TMTC2: variants seen among roughly 807,000 people sequenced by gnomAD.
TMTC2 encodes transmembrane O-mannosyltransferase targeting cadherins 2.
In TMTC2, 43 loss-of-function variants were observed where a neutral mutation model predicts 82.4. The ratio of observed to expected loss-of-function variants is 0.52; its 90% CI spans 0.41 to 0.67. TMTC2 has a LOEUF of 0.67. Among genes scored for constraint, TMTC2 ranks in the 30% least tolerant of loss-of-function variants. The probability of loss-of-function intolerance (pLI) is 0.00; values close to 1 mark genes in which losing one functional copy is unlikely to be tolerated. For synonymous variants in TMTC2, 408 were observed against 381.9 expected, an observed-to-expected ratio of 1.07 and a Z score of -0.80; for missense variants, 919 against 1,012.4, an observed-to-expected ratio of 0.91 and a Z score of 1.25.
At chr12:82,859,799 T>C (rs1871443440) in intron 2 of TMTC2, among the ~76,000 whole-genome samples, 2 of 152,082 alleles carry the variant, frequency 1.3e-5, no homozygotes, top group African/African-American at 4.8e-5. Flanking sequence ...CCAGACTCTC[T>C]TGGCGACCAC....
Position 83,118,153 on chromosome 12 carries a change from C to T in TMTC2, c.2332-14057C>T, listed in dbSNP as rs371101128. Among the ~76,000 whole-genome samples the T allele has an allele frequency of 5.3e-5, 8 of 152,094 alleles. No homozygotes were observed. The East Asian group carries it at 1.5e-3, about 29-fold the overall frequency. ...ACTTCCTCTTTACCGATTTGGATGC[C>T]CTTTTATTTCCTTCTCTTGTCTGAT... On this transcript the variant is annotated intron_variant, in intron 11 of 11. Transcript: ENST00000321196.
At chr12:82,826,746 A>G (rs943101364) in intron 1 of TMTC2, among the ~76,000 whole-genome samples, 2 of 152,116 alleles carry the variant, frequency 1.3e-5, no homozygotes, top group African/African-American at 4.8e-5. Context: ...TCTGTGTGAC[A>G]TGAGTATGTA....
At chr12:82,709,649 T>C (rs1873532035) in intron 1 of TMTC2, among the ~76,000 whole-genome samples, 2 of 152,090 alleles carry the variant, frequency 1.3e-5, no homozygotes, top group Non-Finnish European at 2.9e-5. Flanking sequence ...AGTGGAGACA[T>C]TTTGACCTGG....
At chr12:82,694,577 G>A (rs1872710525) in intron 1 of TMTC2, among the ~76,000 whole-genome samples, 4 of 152,182 alleles carry the variant, frequency 2.6e-5, no homozygotes, top group Admixed American at 2.6e-4. Context: ...ATGGTATGAA[G>A]TGTGGCACAG....
chr12:82,892,110 C>G lies in TMTC2; in HGVS notation c.655-3708C>G, dbSNP rs117431077. ...GAGTGAGTCATTTATTTCGTCCTTACAGAACTCACCATTAAGTTAGAATAA... is the reference window on the plus strand; with the variant it reads ...GAGTGAGTCATTTATTTCGTCCTTAGAGAACTCACCATTAAGTTAGAATAA... On this transcript the variant is annotated intron_variant, in intron 2 of 11. Coordinates refer to ENST00000321196, the MANE Select transcript of TMTC2 (RefSeq NM_152588.3). Among the ~76,000 whole-genome samples the G allele has an allele frequency of 1.1e-3, 169 of 152,234 alleles. 2 individuals are homozygous for G. In the East Asian group the frequency reaches 0.026, roughly 23 times the overall value.
At chr12:82,957,748 A>G (rs998696659) in intron 4 of TMTC2, among the ~76,000 whole-genome samples, 3 of 152,172 alleles carry the variant, frequency 2.0e-5, no homozygotes, top group African/African-American at 2.4e-5. Context: ...CGCAAACTAG[A>G]AAATCCAGAG....
chr12:83,091,168 T>C (rs1170740950), intron 11 of TMTC2, among the ~76,000 whole-genome samples: 1 of 152,168 alleles, frequency 6.6e-6, no homozygotes, highest in Non-Finnish European at 1.5e-5. Context: ...AACTCCCTTT[T>C]GCACAGGTGA....
chr12:82,940,591 T>G (rs962696834), intron 4 of TMTC2, among the ~76,000 whole-genome samples: 3 of 152,038 alleles, frequency 2.0e-5, no homozygotes, highest in Non-Finnish European at 4.4e-5. Context: ...TCTTGGAGTT[T>G]TCCCAAATAT....
chr12:82,824,387 A>G (rs1331119335), intron 1 of TMTC2, among the ~76,000 whole-genome samples: 4 of 152,216 alleles, frequency 2.6e-5, no homozygotes, highest in Admixed American at 6.5e-5. Context: ...AATTTACACC[A>G]TTCATTATAA....
At chr12:82,735,583 G>C (rs1875065240) in intron 1 of TMTC2, among the ~76,000 whole-genome samples, 2 of 151,798 alleles carry the variant, frequency 1.3e-5, no homozygotes, top group Non-Finnish European at 2.9e-5. Context: ...CTGACCTTGT[G>C]ATCCGCCCTC....
Position 82,966,958 on chromosome 12 carries a change from C to G in TMTC2, c.1909C>G (p.Pro637Ala). The change falls in exon 7 of 12, where the codon CCA becomes GCA. Residue 637 changes from proline (P) to alanine (A), a missense_variant. Pro to Ala is a conservative substitution (Grantham distance 27, BLOSUM62 -1). Coordinates refer to ENST00000321196, the MANE Select transcript of TMTC2 (RefSeq NM_152588.3). ...SVYKEAIQKM[P>A]RQFAPQSLYN... ...ATACAAGGAAGCAATTCAGAAAATG[C>G]CAAGGCAGTTTGCCCCACAGAGCTT... The G allele has an allele frequency of 6.2e-7, 1 of 1,613,076 alleles. No individual in the cohort carries two copies. The highest frequency in any genetic ancestry group is 1.7e-4 in the Middle Eastern group (1 of 6,058).
intron 3 of TMTC2, among the ~76,000 whole-genome samples, chr12:82,925,031 C>A (rs944841850): frequency 2.0e-5 from 3 of 152,134 alleles, no homozygotes; most frequent in Non-Finnish European, 4.4e-5. Context: ...ACATCAAGTT[C>A]ATTTTTGCCT....
intron 11 of TMTC2, among the ~76,000 whole-genome samples, chr12:83,089,290 G>A (rs1005003484): frequency 2.7e-4 from 41 of 152,236 alleles, no homozygotes; most frequent in Middle Eastern, 3.4e-3. Context: ...TTCTGCTATA[G>A]CAAGCTAAGT....
At chr12:83,126,950 T>C (rs1357260435) in intron 11 of TMTC2, among the ~76,000 whole-genome samples, 1 of 152,160 alleles carries the variant, frequency 6.6e-6, no homozygotes, top group Admixed American at 6.5e-5. Context: ...CTTAAAATGT[T>C]TATACTATTC....
At chr12:82,775,401 G>A in intron 1 of TMTC2, among the ~76,000 whole-genome samples, 1 of 151,912 alleles carries the variant, frequency 6.6e-6, no homozygotes, top group East Asian at 1.9e-4. Context: ...ATTGAACTAT[G>A]ATTGCACCAC....
chr12:83,003,878 C>A (rs1399503786), intron 8 of TMTC2, among the ~76,000 whole-genome samples: 2 of 151,930 alleles, frequency 1.3e-5, no homozygotes, highest in Non-Finnish European at 2.9e-5. Flanking sequence ...TGCAGGAATT[C>A]TCTGATTTTC....
chr12:83,121,984 C>T (rs536528400), intron 11 of TMTC2, among the ~76,000 whole-genome samples: 1 of 152,198 alleles, frequency 6.6e-6, no homozygotes, highest in South Asian at 2.1e-4. Flanking sequence ...TCTGAAGGGC[C>T]GGTCTGACTC....
At chr12:83,115,175 C>G (rs1884713186) in intron 11 of TMTC2, among the ~76,000 whole-genome samples, 1 of 152,072 alleles carries the variant, frequency 6.6e-6, no homozygotes. Flanking sequence ...AGCTGGAAAT[C>G]CTTCTGTGTA....
intron 2 of TMTC2, among the ~76,000 whole-genome samples, chr12:82,881,131 A>G (rs527546637): frequency 6.6e-6 from 1 of 152,354 alleles, no homozygotes; most frequent in South Asian, 2.1e-4. Context: ...AAGGCTAGGC[A>G]TGCTTTAAAA....
Sources: allele counts gnomAD v4.1 joint callset (sites outside exome capture counted in the v4.1 genomes callset), GRCh38; gene constraint gnomAD v4.1.1; transcripts MANE v1.5; gene names NCBI Gene and HGNC (gene_info 2026-07-23, HGNC 2026-07-21).